The following MALSU1 variants were observed in gnomAD, a reference collection of about 807,000 sequenced individuals.
MALSU1 encodes mitochondrial assembly of ribosomal large subunit 1.
MALSU1 carries 22 observed loss-of-function variants against 22.1 expected under a neutral mutation model. The observed-to-expected ratio is 1.00, with a 90% confidence interval of 0.71 to 1.42. The LOEUF (loss-of-function observed/expected upper bound fraction) is 1.42. MALSU1 is among the 40% of genes most tolerant of loss of function. MALSU1 has a pLI of 0.00. For missense variants in MALSU1, 379 were observed against 308.3 expected (o/e 1.23, Z -1.72); for synonymous variants, 153 against 118.5 (o/e 1.29, Z -1.89).
Position 23,309,557 on chromosome 7 carries a change from C to T in MALSU1, c.*14C>T, listed in dbSNP as rs1195330698. 6.4e-7 allele frequency: 1 copy of T among 1,563,938 alleles called. No homozygotes were observed. The highest frequency in any genetic ancestry group is 8.6e-7 in the Non-Finnish European group (1 of 1,157,430). ...AAATGTGAATAAAATATTTTATGCA[C>T]TGCGTTAGTCATTTCAGATTTGGAT... On this transcript the variant is annotated 3_prime_UTR_variant, in exon 4 of 4. Coordinates refer to ENST00000466681, the MANE Select transcript of MALSU1 (RefSeq NM_138446.2).
intron 2 of MALSU1, 96 bp downstream of exon 2, chr7:23,301,113 T>C: frequency 8.4e-7 from 1 of 1,185,748 alleles, no homozygotes; most frequent in East Asian, 2.4e-5. Context: ...AAACCCATCA[T>C]ACAAAGTTAC....
At position 23,307,775 on chromosome 7, in the gene MALSU1, A is replaced by C. The variant is rs185324576; in HGVS notation, c.436-93A>C. 0.011 allele frequency: 9,013 copies of C among 803,112 alleles called. 649 individuals carry two copies. The Admixed American group carries it at 0.14, about 12-fold the overall frequency. 49.7% of individuals were successfully genotyped at this position (803,112 alleles called of 1,614,324 possible). ...GAGAAATGAGTAAGAAAGATTAAAA[A>C]AAACAAACAAACAAACAAAAAAAAA... On this transcript the variant is annotated intron_variant, in intron 2 of 3. Coordinates refer to ENST00000466681, the MANE Select transcript of MALSU1 (RefSeq NM_138446.2).
intron 2 of MALSU1, among the ~76,000 whole-genome samples, chr7:23,302,425 T>G (rs1459902565): frequency 1.3e-5 from 2 of 152,078 alleles, no homozygotes; most frequent in Non-Finnish European, 2.9e-5. Flanking sequence ...AGAGAAAGGT[T>G]GTAAAATAAA....
chr7:23,308,571 A>G (rs1783755868), intron 3 of MALSU1, among the ~76,000 whole-genome samples: 1 of 152,186 alleles, frequency 6.6e-6, no homozygotes, highest in South Asian at 2.1e-4. Context: ...TTAGAGGGTT[A>G]GAGACAAAGA....
At position 23,309,598 on chromosome 7, in the gene MALSU1, A is replaced by AAAAT; in HGVS notation, c.*57_*60dup. ...AGATTTGGATTGAGTCACTTATTGGAAAATACAGCTCCTAAAGTCCGTCTC... is the reference window on the plus strand; with the variant it reads ...AGATTTGGATTGAGTCACTTATTGGAAAATAAATACAGCTCCTAAAGTCCGTCTC... On this transcript the variant is annotated 3_prime_UTR_variant, in exon 4 of 4. Transcript: ENST00000466681. The AAAAT allele has an allele frequency of 7.2e-7, 1 of 1,398,274 alleles. No homozygotes were observed. Among genetic ancestry groups the AAAAT allele is most frequent in the East Asian group, 2.3e-5 (1 of 42,676 alleles). 86.6% of individuals were successfully genotyped at this position (1,398,274 alleles called of 1,614,324 possible).
rs767102549 is a variant in MALSU1 at position 23,301,044 on chromosome 7, A to T, written c.435+27A>T. 2.1e-5 allele frequency: 34 copies of T among 1,592,352 alleles called. No homozygotes were observed. In the South Asian group the frequency reaches 3.7e-4, roughly 18 times the overall value. ...TAGGATGCTTTCTTTTCTCTTTTGGACCATTAACTGAGTGGAATAGTGACA... is the reference window on the plus strand; with the variant it reads ...TAGGATGCTTTCTTTTCTCTTTTGGTCCATTAACTGAGTGGAATAGTGACA... On this transcript the variant is annotated intron_variant, in intron 2 of 3. Coordinates refer to ENST00000466681, the MANE Select transcript of MALSU1 (RefSeq NM_138446.2).
At position 23,309,469 on chromosome 7, in the gene MALSU1, G is replaced by C. The variant is rs1310497203; in HGVS notation, c.631G>C (p.Val211Leu). The C allele has an allele frequency of 6.2e-7, 1 of 1,613,034 alleles. No individual in the cohort carries two copies. The change falls in exon 4 of 4, where the codon GTA becomes CTA. Residue 211 changes from valine (V) to leucine (L), a missense_variant. Transcript: ENST00000466681. ...GTTAGCTCAGATAGCACCTGAGACA[G>C]TACCTGAAGACTTCATTCTTGGAAT... The part of the protein sequence containing the change: ...DQLAQIAPET[V>L]PEDFILGIED...
chr7:23,300,213 G>A (rs939353172), intron 1 of MALSU1, among the ~76,000 whole-genome samples: 3 of 151,894 alleles, frequency 2.0e-5, no homozygotes, highest in African/African-American at 7.3e-5. Context: ...AATCTTTACG[G>A]GAAAAAAAAT....
chr7:23,307,228 T>G (rs760544808), intron 2 of MALSU1, among the ~76,000 whole-genome samples: 1 of 152,226 alleles, frequency 6.6e-6, no homozygotes, highest in Non-Finnish European at 1.5e-5. Context: ...TTAGTTGTCT[T>G]TTTTCTTAGT....
rs200232375 is a variant in MALSU1, at chr7:23,307,650, G to T, written c.436-218G>T. ...ATGAATGGGGTGACCCTCTCAGAAG[G>T]GCTGGGGCAGGAGAATTCAGGAGAG... On this transcript the variant is annotated intron_variant, in intron 2 of 3. Coordinates refer to ENST00000466681, the MANE Select transcript of MALSU1 (RefSeq NM_138446.2). 2.1e-5 allele frequency: 10 copies of T among 473,032 alleles called. No homozygotes were observed. In the East Asian group the frequency reaches 3.5e-4, roughly 16 times the overall value. The allele number at this position is 473,032 out of a possible 1,614,324, so 29.3% of individuals were successfully genotyped here. A position where few individuals can be genotyped will look rare whatever the true frequency, so the allele number is the denominator to read the frequency against.
At chr7:23,305,075 C>A (rs966867152) in intron 2 of MALSU1, among the ~76,000 whole-genome samples, 3 of 151,992 alleles carry the variant, frequency 2.0e-5, no homozygotes, top group Admixed American at 1.3e-4. Flanking sequence ...GATATTTAAC[C>A]CATTTTGAGT....
At chr7:23,309,269 T>C (rs1351547929) in intron 3 of MALSU1, 87 bp from the exon 4 acceptor site, 2 of 1,238,798 alleles carry the variant, frequency 1.6e-6, no homozygotes, top group African/African-American at 3.0e-5. Context: ...ACTGCTTTAT[T>C]CCTAGAGTTA....
In MALSU1 at chr7:23,299,420, T is replaced by C. The variant is rs1783608602; in HGVS notation, c.68T>C (p.Val23Ala). Residue 23 changes from valine (V) to alanine (A), a missense_variant, in exon 1 of 4, where the codon GTG (valine) becomes GCG (alanine). Physicochemically the swap from Val to Ala is moderately conservative, Grantham distance 64. Coordinates refer to ENST00000466681, the MANE Select transcript of MALSU1 (RefSeq NM_138446.2). ...PLMWRRAVSS[V>A]AGSAVGAEPG... is the part of the protein sequence containing the mutation. ...ATGTGGCGCAGGGCGGTTTCCTCGG[T>C]GGCGGGGTCCGCGGTTGGAGCCGAG... is the stretch of plus-strand genomic sequence containing the variant. The C allele has an allele frequency of 1.2e-6, 2 of 1,602,194 alleles. No individual in the cohort carries two copies. Among genetic ancestry groups the C allele is most frequent in the East Asian group, 4.5e-5 (2 of 44,784 alleles).
rs1783787556 is a variant in MALSU1 at position 23,310,022 on chromosome 7, CAA to C, written c.*481_*482del. On this transcript the variant is annotated 3_prime_UTR_variant, in exon 4 of 4. Transcript: ENST00000466681. ...TACTCCAGTAACACAAGAAAGTAAACAAAGTGTTTGTTAGGAAAAACTCTGAA... is the reference window on the plus strand; with the variant it reads ...TACTCCAGTAACACAAGAAAGTAAACAGTGTTTGTTAGGAAAAACTCTGAA... 6.8e-6 allele frequency: 1 copy of C among 147,448 alleles called. No individual in the cohort carries two copies. The highest frequency in any genetic ancestry group is 2.7e-5 in the African/African-American group (1 of 37,422). The allele number at this position is 147,448 out of a possible 1,614,324, so 9.1% of individuals were successfully genotyped here. A position where few individuals can be genotyped will look rare whatever the true frequency, so the allele number is the denominator to read the frequency against.
At chr7:23,304,172 T>C (rs1427565785) in intron 2 of MALSU1, among the ~76,000 whole-genome samples, 16 of 152,216 alleles carry the variant, frequency 1.1e-4, no homozygotes, top group Non-Finnish European at 5.9e-5. Context: ...AGAAATGGGA[T>C]TGCTGGATCA....
chr7:23,307,208 A>T (rs556230884), intron 2 of MALSU1, among the ~76,000 whole-genome samples: 3 of 152,060 alleles, frequency 2.0e-5, no homozygotes, highest in Non-Finnish European at 4.4e-5. Flanking sequence ...CACTTCTTTC[A>T]TTTCAGATTT....
intron 3 of MALSU1, among the ~76,000 whole-genome samples, chr7:23,309,072 G>C (rs944427530): frequency 6.6e-6 from 1 of 152,206 alleles, no homozygotes; most frequent in Non-Finnish European, 1.5e-5. Context: ...GTTACCCATG[G>C]AGAATTGTCA....
chr7:23,309,024 GCAGT>G (rs918493958), intron 3 of MALSU1, among the ~76,000 whole-genome samples: 40 of 152,316 alleles, frequency 2.6e-4, no homozygotes, highest in Admixed American at 1.8e-3. Flanking sequence ...AAAACAAAAG[GCAGT>G]CAGTGTTTTT....
chr7:23,301,274 A>G (rs575287298), intron 2 of MALSU1: 6 of 283,982 alleles, frequency 2.1e-5, no homozygotes, highest in Non-Finnish European at 3.3e-5. Flanking sequence ...TTTTTTTTCT[A>G]ATTGAGATGG....
Sources: gnomAD v4.1 joint callset for allele counts (sites outside exome capture counted in the v4.1 genomes callset) on GRCh38, gnomAD v4.1.1 for gene constraint, MANE v1.5 for transcripts, NCBI Gene and HGNC (gene_info 2026-07-23, HGNC 2026-07-21) for gene names.